Variants in PCLO observed in about 807,000 individuals in gnomAD.
PCLO encodes protein piccolo.
Under a neutral mutation model 427.5 loss-of-function variants are expected in PCLO, and 82 were observed. The observed-to-expected ratio is 0.19, with a 90% CI of 0.16 to 0.23. The LOEUF (loss-of-function observed/expected upper bound fraction) is 0.23, where lower values mean the gene tolerates loss of function less well. Among genes scored for constraint, PCLO ranks in the 10% least tolerant of loss-of-function variants. The probability of loss-of-function intolerance (pLI) is 1.00; values close to 1 mark genes in which losing one functional copy is unlikely to be tolerated. For missense variants in PCLO, 6,239 were observed against 6,115.9 expected, an observed-to-expected ratio of 1.02 and a Z score of -0.67; for synonymous variants, 2,357 against 2,155.4, an observed-to-expected ratio of 1.09 and a Z score of -2.59.
rs1382068106 is a variant in PCLO, at chr7:82,956,209, G to T, written c.4744C>A (p.Leu1582Ile). ...SEDDEFIRNQ[L>I]KEISSSTESQ... ...TCAGTACTGCTACTAATCTCTTTGA[G>T]CTGGTTTCTGATGAACTCATCATCT... Residue 1582 changes from leucine (L) to isoleucine (I), a missense_variant, in exon 5 of 25, where the codon CTC becomes ATC. Leu to Ile is a conservative substitution (Grantham distance 5). Coordinates refer to ENST00000333891, the MANE Select transcript of PCLO (RefSeq NM_033026.6). The T allele has an allele frequency of 2.5e-6, 4 of 1,610,176 alleles. No homozygotes were observed. Among genetic ancestry groups the T allele is most frequent in the Non-Finnish European group, 2.5e-6 (3 of 1,179,806 alleles).
At position 82,802,771 on chromosome 7, in the gene PCLO, T is replaced by A. The variant is rs1032505933; in HGVS notation, c.14934-1180A>T. On this transcript the variant is annotated intron_variant, in intron 21 of 24. Coordinates refer to ENST00000333891, the MANE Select transcript of PCLO (RefSeq NM_033026.6). Reference sequence around the variant, plus strand: ...CTGCTGAAAATGTAACCATATTTATTTCTTAATAATCCAATTATATCTTAC... The same window carrying A: ...CTGCTGAAAATGTAACCATATTTATATCTTAATAATCCAATTATATCTTAC... Among the ~76,000 whole-genome samples, 13 of 152,180 alleles carry A rather than the reference T, an allele frequency of 8.5e-5. 1 individual carries two copies. The highest frequency in any genetic ancestry group is 4.1e-4 in the South Asian group (2 of 4,834).
chr7:83,004,318 C>T (rs1489324440), intron 3 of PCLO, among the ~76,000 whole-genome samples: 1 of 151,716 alleles, frequency 6.6e-6, no homozygotes, highest in African/African-American at 2.4e-5. Flanking sequence ...ACACATAGAA[C>T]AATGAAATAG....
At chr7:82,825,634 T>C (rs1383082173) in intron 18 of PCLO, among the ~76,000 whole-genome samples, 4 of 148,194 alleles carry the variant, frequency 2.7e-5, no homozygotes, top group Admixed American at 6.8e-5. Context: ...ATTATATATA[T>C]TATACATAAT....
chr7:83,119,892 T>C lies in PCLO; in HGVS notation c.3300+14358A>G, dbSNP rs183889262. 7.1e-4 allele frequency among the ~76,000 whole-genome samples: 107 copies of C among 149,744 alleles called. 2 individuals carry two copies. Among genetic ancestry groups the C allele is most frequent in the Admixed American group, 2.7e-3 (41 of 15,050 alleles). On this transcript the variant is annotated intron_variant, in intron 3 of 24. Coordinates refer to ENST00000333891, the MANE Select transcript of PCLO (RefSeq NM_033026.6). ...GAAATTGTGTAACTGAAAAATTCAA[T>C]TGACAAACTGAAAAATGCATCAGTT...
intron 1 of PCLO, among the ~76,000 whole-genome samples, chr7:83,161,233 A>T (rs1302511295): frequency 6.7e-6 from 1 of 149,964 alleles, no homozygotes; most frequent in Non-Finnish European, 1.5e-5. Context: ...GACTAAGTTA[A>T]TTTTTTTTTT....
chr7:83,156,366 G>C lies in PCLO; in HGVS notation c.275C>G (p.Pro92Arg), dbSNP rs1161104818. 4 of 1,604,064 alleles carry C rather than the reference G, an allele frequency of 2.5e-6. No homozygotes were observed. The highest frequency in any genetic ancestry group is 3.4e-6 in the Non-Finnish European group (4 of 1,174,808). ...CGGGGGTCTTCCTGATTGCTTTGGA[G>C]GATGACTACTATCCAACTCTTGTTT... ...HRKQELDSSH[P>R]PKQSGRPPDP... The change falls in exon 2 of 25, where the codon CCT (proline) becomes CGT (arginine). Residue 92 changes from proline to arginine, a missense_variant. This residue lies in a region of PCLO where 4,677 missense variants were observed against 4,468.4 expected (regional missense o/e 1.05). Transcript: ENST00000333891.
At chr7:83,028,561 C>T (rs1293718423) in intron 3 of PCLO, among the ~76,000 whole-genome samples, 1 of 124,132 alleles carries the variant, frequency 8.1e-6, no homozygotes, top group Non-Finnish European at 1.8e-5. Context: ...CAATGCCATC[C>T]CCATCAAGCT....
At chr7:83,001,898 T>C (rs1316427499) in intron 3 of PCLO, among the ~76,000 whole-genome samples, 2 of 152,000 alleles carry the variant, frequency 1.3e-5, no homozygotes, top group East Asian at 1.9e-4. Flanking sequence ...CAGGACTAAG[T>C]GACTACATAA....
chr7:82,813,654 T>G (rs1791618352), intron 20 of PCLO, among the ~76,000 whole-genome samples: 1 of 151,812 alleles, frequency 6.6e-6, no homozygotes, highest in African/African-American at 2.4e-5. Context: ...TTGTCTATTT[T>G]GTTTGCTGTA....
intron 3 of PCLO, among the ~76,000 whole-genome samples, chr7:82,985,856 T>G (rs1294131277): frequency 6.6e-6 from 1 of 151,244 alleles, no homozygotes; most frequent in Non-Finnish European, 1.5e-5. Context: ...TAATTAAAAT[T>G]AGAGATAATA....
At chr7:82,933,593 A>G (rs1794885632) in intron 6 of PCLO, among the ~76,000 whole-genome samples, 1 of 144,440 alleles carries the variant, frequency 6.9e-6, no homozygotes, top group African/African-American at 2.6e-5. Flanking sequence ...TATTCCTGAT[A>G]TATAAGAAAT....
At chr7:83,117,303 G>A (rs190584291) in intron 3 of PCLO, among the ~76,000 whole-genome samples, 7 of 152,140 alleles carry the variant, frequency 4.6e-5, no homozygotes, top group Admixed American at 2.0e-4. Flanking sequence ...GTTGCCAAAC[G>A]GGCAGCTTCC....
chr7:82,954,373 T>G lies in PCLO; in HGVS notation c.6580A>C (p.Thr2194Pro), dbSNP rs771999737. The G allele has an allele frequency of 1.2e-6, 2 of 1,613,888 alleles. No homozygotes were observed. Among genetic ancestry groups the G allele is most frequent in the Non-Finnish European group, 1.7e-6 (2 of 1,179,852 alleles). Reference protein sequence around the residue: ...LTSSVSSVCTTDSSSPITTLD... With the variant: ...LTSSVSSVCTPDSSSPITTLD... ...GTAGTAATGGGTGAAGAGCTATCTG[T>G]GGTACAGACCGAAGAAACAGATGAT... The change falls in exon 5 of 25, where the codon ACA becomes CCA. Residue 2194 changes from threonine to proline, a missense_variant. By Grantham distance (38) the Thr-to-Pro change is conservative. Around this residue, in one of 5 missense-constraint regions of PCLO, gnomAD observed 4,677 missense variants for 4,468.4 expected, o/e 1.05. Transcript: ENST00000333891.
chr7:83,065,714 A>C lies in PCLO; in HGVS notation c.3300+68536T>G, dbSNP rs976835125. On this transcript the variant is annotated intron_variant, in intron 3 of 24. Transcript: ENST00000333891. The stretch of plus-strand genomic sequence containing the variant: ...AATAACACTTGCAATTATTTCCATT[A>C]TACAAAAGAAGAAAAATAAAAAACA... Among the ~76,000 whole-genome samples the C allele has an allele frequency of 4.6e-5, 7 of 152,186 alleles. No individual in the cohort carries two copies. In the South Asian group the frequency reaches 1.5e-3, roughly 32 times the overall value.
chr7:83,095,874 C>T (rs1790522489), intron 3 of PCLO, among the ~76,000 whole-genome samples: 1 of 151,798 alleles, frequency 6.6e-6, no homozygotes, highest in Admixed American at 6.6e-5. Context: ...CATTCCCTTG[C>T]CGCTTGAAAA....
At chr7:83,071,226 C>T (rs1789808534) in intron 3 of PCLO, among the ~76,000 whole-genome samples, 1 of 152,088 alleles carries the variant, frequency 6.6e-6, no homozygotes, top group African/African-American at 2.4e-5. Context: ...TCTCTTCTCC[C>T]AGCCCTTTGT....
intron 22 of PCLO, among the ~76,000 whole-genome samples, chr7:82,778,715 C>A (rs545831525): frequency 6.6e-6 from 1 of 151,670 alleles, no homozygotes; most frequent in Non-Finnish European, 1.5e-5. Context: ...TGTAGGCAAC[C>A]GATTTTCTCT....
At chr7:83,090,234 G>A (rs561827405) in intron 3 of PCLO, among the ~76,000 whole-genome samples, 18 of 152,244 alleles carry the variant, frequency 1.2e-4, no homozygotes, top group South Asian at 4.2e-4. Context: ...CCTGGGAGGC[G>A]GAGGTTGCCT....
intron 9 of PCLO, among the ~76,000 whole-genome samples, chr7:82,884,722 A>G (rs1446435584): frequency 6.6e-6 from 1 of 152,192 alleles, no homozygotes; most frequent in East Asian, 1.9e-4. Flanking sequence ...ATTGGAAAAT[A>G]GGGTCACTTT....
Sources: allele counts gnomAD v4.1 joint callset (sites outside exome capture counted in the v4.1 genomes callset), GRCh38; gene constraint gnomAD v4.1.1; regional missense constraint gnomAD v4.1.1; transcripts MANE v1.5; gene names NCBI Gene and HGNC (gene_info 2026-07-23, HGNC 2026-07-21).